Variants in GIT2 observed in about 807,000 individuals in gnomAD.
GIT2 encodes GIT ArfGAP 2.
GIT2 carries 32 observed loss-of-function variants against 100.3 expected under a neutral mutation model. That is an observed-to-expected ratio of 0.32 (90% CI 0.24 to 0.43). The LOEUF (loss-of-function observed/expected upper bound fraction) is 0.43, where lower values mean the gene tolerates loss of function less well. Ranked by LOEUF, GIT2 falls within the 20% of genes least tolerant of loss-of-function variation. The pLI is 1.00. For missense variants in GIT2, 737 were observed against 975.1 expected (o/e 0.76, Z 3.25); for synonymous variants, 353 against 364.1 (o/e 0.97, Z 0.35).
intron 7 of GIT2, among the ~76,000 whole-genome samples, chr12:109,978,187 A>T (rs940977967): frequency 1.4e-5 from 2 of 144,018 alleles, no homozygotes; most frequent in African/African-American, 5.2e-5. Flanking sequence ...GGTTCAAGTG[A>T]TTCTTGTGCC....
chr12:109,953,200 G>T lies in GIT2; in HGVS notation c.1134C>A (p.Asn378Lys), dbSNP rs1285764659. 3 of 1,613,744 alleles carry T rather than the reference G, an allele frequency of 1.9e-6. No homozygotes were observed. The Admixed American group carries it at 5.0e-5, about 27-fold the overall frequency. ...TGTCTTGACTCTCAACGCTGTGCTG[G>T]TTATTGATGGTTTTCAGTATGAGCT... ...NVELILKTIN[N>K]QHSVESQDND... The change falls in exon 13 of 20, where the codon AAC (asparagine) becomes AAA (lysine). Residue 378 changes from asparagine (N) to lysine (K), a missense_variant. This residue lies in a region of GIT2 where 451 missense variants were observed against 543.7 expected (regional missense o/e 0.83). Coordinates refer to ENST00000355312, the MANE Select transcript of GIT2 (RefSeq NM_057169.5).
intron 7 of GIT2, among the ~76,000 whole-genome samples, chr12:109,972,020 TATATATGG>T (rs543410621): frequency 2.0e-5 from 3 of 151,578 alleles, no homozygotes; most frequent in Non-Finnish European, 4.4e-5. Flanking sequence ...AATATATATA[TATATATGG>T]ATTTTTGGCT....
At chr12:109,952,379 T>G (rs573801047) in intron 13 of GIT2, among the ~76,000 whole-genome samples, 1 of 152,142 alleles carries the variant, frequency 6.6e-6, no homozygotes, top group Non-Finnish European at 1.5e-5. Context: ...CATGGGTCCT[T>G]AGGTGGCCTG....
chr12:109,985,675 C>T (rs1887231003), intron 4 of GIT2, among the ~76,000 whole-genome samples: 2 of 152,056 alleles, frequency 1.3e-5, no homozygotes, highest in South Asian at 4.1e-4. Flanking sequence ...CATGGTGAAA[C>T]CCTGTCTCTA....
chr12:109,953,814 T>C (rs566208753), intron 12 of GIT2: 1 of 152,334 alleles, frequency 6.6e-6, no homozygotes. Context: ...ACAGATGGCT[T>C]AGGAAGGAAC....
chr12:109,934,026 G>A lies in GIT2; in HGVS notation c.2063C>T (p.Pro688Leu). The change falls in exon 19 of 20, where the codon CCC becomes CTC. Residue 688 changes from proline to leucine, a missense_variant. This residue lies in a region of GIT2 where 451 missense variants were observed against 543.7 expected (regional missense o/e 0.83). Coordinates refer to ENST00000355312, the MANE Select transcript of GIT2 (RefSeq NM_057169.5). This position sits in a 1 kb window ranked among gnomAD's most constrained non-coding sequence, Gnocchi z 4.5. Reference sequence around the variant, plus strand: ...AGTGAGTAGGAAGTGACTTACTTTGGGGAATAATGCTGCCATTTCTGTAAC... The same window carrying A: ...AGTGAGTAGGAAGTGACTTACTTTGAGGAATAATGCTGCCATTTCTGTAAC... ...VAVTEMAALF[P>L]KKPKSDMVRT... 1 of 1,534,746 alleles carries A rather than the reference G, an allele frequency of 6.5e-7. No individual in the cohort carries two copies. Among genetic ancestry groups the A allele is most frequent in the Non-Finnish European group, 9.0e-7 (1 of 1,107,706 alleles).
intron 18 of GIT2, among the ~76,000 whole-genome samples, chr12:109,935,467 CCTCCGCCTCCTGGCTT>C (rs1872717195): frequency 6.6e-6 from 1 of 152,162 alleles, no homozygotes; most frequent in African/African-American, 2.4e-5. Flanking sequence ...CTCACTGCAA[CCTCCGCCTCCTGGCTT>C]CTCCGCCTCC....
chr12:109,948,257 T>TC lies in GIT2; in HGVS notation c.1393-754dup. 4 of 986,330 alleles carry TC rather than the reference T, an allele frequency of 4.1e-6. No individual in the cohort carries two copies. The highest frequency in any genetic ancestry group is 4.8e-6 in the Non-Finnish European group (4 of 830,564). The allele number at this position is 986,330 out of a possible 1,614,324, so 61.1% of individuals were successfully genotyped here. A position where few individuals can be genotyped will look rare whatever the true frequency, so the allele number is the denominator to read the frequency against. On this transcript the variant is annotated intron_variant, in intron 14 of 19. Coordinates refer to ENST00000355312, the MANE Select transcript of GIT2 (RefSeq NM_057169.5). This position sits in a 1 kb window ranked among gnomAD's most constrained non-coding sequence, Gnocchi z 4.3. Reference sequence around the variant, plus strand: ...GGATGCTCCACGCAGCACGCTTGCTTCCGTCTGGTGAGTGATCATCTTTCG... The same window carrying TC: ...GGATGCTCCACGCAGCACGCTTGCTTCCCGTCTGGTGAGTGATCATCTTTCG...
chr12:109,959,367 C>T (rs1028816248), intron 12 of GIT2, among the ~76,000 whole-genome samples: 2 of 152,106 alleles, frequency 1.3e-5, no homozygotes, highest in Non-Finnish European at 2.9e-5. Context: ...CACGCCCGGC[C>T]AAGAAGAGTT....
chr12:109,933,192 TA>T lies in GIT2; in HGVS notation c.2068-3del, dbSNP rs1871974424. 6.5e-7 allele frequency: 1 copy of T among 1,531,710 alleles called. No homozygotes were observed. Among genetic ancestry groups the T allele is most frequent in the African/African-American group, 1.4e-5 (1 of 72,772 alleles). 94.9% of individuals were successfully genotyped at this position (1,531,710 alleles called of 1,614,324 possible). On this transcript the variant is annotated splice_polypyrimidine_tract_variant and splice_region_variant and intron_variant, in intron 19 of 19. Coordinates refer to ENST00000355312, the MANE Select transcript of GIT2 (RefSeq NM_057169.5). The surrounding 1 kb of genome is among the most constrained non-coding windows in gnomAD (Gnocchi z 4.5). ...CCTCACCATATCAGACTTGGGTTTC[TA>T]AAAGGAAAAAGACAGCCGTTTACCC...
chr12:109,940,178 A>C (rs1874276551), intron 16 of GIT2: 1 of 152,240 alleles, frequency 6.6e-6, no homozygotes, highest in Non-Finnish European at 1.5e-5. Context: ...GGAATCCTAA[A>C]AATGTTTTGA....
chr12:109,969,663 C>T (rs762085255), intron 7 of GIT2, among the ~76,000 whole-genome samples: 5 of 151,642 alleles, frequency 3.3e-5, no homozygotes, highest in Admixed American at 2.0e-4. Flanking sequence ...CCTCCTACTT[C>T]GGCCTCCCAA....
At position 109,947,407 on chromosome 12, in the gene GIT2, T is replaced by C; in HGVS notation, c.1490A>G (p.Asn497Ser). The C allele has an allele frequency of 6.2e-7, 1 of 1,614,056 alleles. No individual in the cohort carries two copies. Among genetic ancestry groups the C allele is most frequent in the Non-Finnish European group, 8.5e-7 (1 of 1,179,954 alleles). ...QTGSEYTDTS[N>S]HSSLKRRPSA... ...CGGACGTCTCTTTAAGGAAGAGTGG[T>C]TGGAAGTGTCTGTGTACTCAGAACC... Residue 497 changes from asparagine to serine, a missense_variant, in exon 15 of 20, where the codon AAC becomes AGC. This residue lies in a region of GIT2 where 451 missense variants were observed against 543.7 expected (regional missense o/e 0.83). Transcript: ENST00000355312. This position sits in a 1 kb window ranked among gnomAD's most constrained non-coding sequence, Gnocchi z 4.3.
intron 12 of GIT2, among the ~76,000 whole-genome samples, chr12:109,957,025 A>G (rs946168705): frequency 6.6e-6 from 1 of 152,014 alleles, no homozygotes; most frequent in Non-Finnish European, 1.5e-5. Context: ...TCAAAAAAAA[A>G]AAAACAAAAC....
intron 14 of GIT2, 98 bp downstream of exon 14, chr12:109,951,069 C>T: frequency 2.0e-6 from 2 of 1,020,970 alleles, no homozygotes; most frequent in South Asian, 1.5e-5. Flanking sequence ...GTTACAATAA[C>T]TGTTTTTCTT....
chr12:109,981,313 G>A, intron 6 of GIT2: 1 of 334,890 alleles, frequency 3.0e-6, no homozygotes, highest in Non-Finnish European at 5.5e-6. Context: ...GAGAGGGAAG[G>A]ATACAGAATG....
At chr12:109,949,641 G>C (rs1472563310) in intron 14 of GIT2, among the ~76,000 whole-genome samples, 2 of 152,190 alleles carry the variant, frequency 1.3e-5, no homozygotes, top group Admixed American at 6.5e-5. Flanking sequence ...GAATTGATGA[G>C]ATAATCAATA....
intron 13 of GIT2, among the ~76,000 whole-genome samples, chr12:109,952,213 A>G (rs1325609368): frequency 3.9e-5 from 6 of 152,140 alleles, no homozygotes; most frequent in African/African-American, 7.2e-5. Context: ...AGACTTTTCT[A>G]TTCTACCTTC....
rs749572925 is a variant in GIT2, at chr12:109,948,740, T to A, written c.1393-1236A>T. On this transcript the variant is annotated intron_variant, in intron 14 of 19. Coordinates refer to ENST00000355312, the MANE Select transcript of GIT2 (RefSeq NM_057169.5). This position sits in a 1 kb window ranked among gnomAD's most constrained non-coding sequence, Gnocchi z 4.3. ...CATTACTTTTTCAGTAGCAAACCCA[T>A]TCAATGTTAGGAGTTACTTTCAATT... The A allele has an allele frequency of 3.6e-5, 56 of 1,549,520 alleles. 1 individual carries two copies. The highest frequency in any genetic ancestry group is 4.9e-5 in the Non-Finnish European group (56 of 1,152,638).
Sources: gnomAD v4.1 joint callset for allele counts (sites outside exome capture counted in the v4.1 genomes callset) on GRCh38, gnomAD v4.1.1 for gene constraint, gnomAD v4.1.1 regional missense constraint, Gnocchi (gnomAD v3.1) non-coding constraint, MANE v1.5 for transcripts, NCBI Gene and HGNC (gene_info 2026-07-23, HGNC 2026-07-21) for gene names.